KBTBD12: variants seen among roughly 807,000 people sequenced by gnomAD.
KBTBD12 encodes kelch repeat and BTB domain-containing protein 12.
KBTBD12 carries 53 observed loss-of-function variants against 58.7 expected under a neutral mutation model. That is an observed-to-expected ratio of 0.90 (90% CI 0.72 to 1.14). The LOEUF (loss-of-function observed/expected upper bound fraction) is 1.14, where lower values mean the gene tolerates loss of function less well. KBTBD12 is among the 50% of genes most tolerant of loss of function. The pLI, the probability that KBTBD12 is intolerant of heterozygous loss-of-function variation, is 0.00. For missense variants in KBTBD12, 704 were observed against 751.3 expected, an observed-to-expected ratio of 0.94 and a Z score of 0.74; for synonymous variants, 236 against 259.8, an observed-to-expected ratio of 0.91 and a Z score of 0.88.
chr3:127,970,584 A>C (rs1940666408), intron 5 of KBTBD12, among the ~76,000 whole-genome samples: 1 of 152,270 alleles, frequency 6.6e-6, no homozygotes, highest in Non-Finnish European at 1.5e-5. Context: ...CTATTTAAGC[A>C]GTGGAATATC....
At chr3:127,935,509 C>T (rs1939809536) in intron 4 of KBTBD12, among the ~76,000 whole-genome samples, 1 of 151,990 alleles carries the variant, frequency 6.6e-6, no homozygotes, top group Admixed American at 6.6e-5. Flanking sequence ...ACCTGTAATC[C>T]CAGCTACTTG....
intron 5 of KBTBD12, 142 bp from the exon 6 acceptor site, chr3:127,983,955 C>T (rs1940921237): frequency 1.6e-6 from 1 of 639,494 alleles, no homozygotes; most frequent in Non-Finnish European, 2.7e-6. Flanking sequence ...GATAAACTAC[C>T]CAGTCCTGGG....
At position 127,984,227 on chromosome 3, in the gene KBTBD12, A is replaced by G. The variant is rs1940926630; in HGVS notation, c.1821A>G (p.Arg607=). The change falls in exon 6 of 6, where the codon CGA becomes CGG. Residue 607 remains arginine, a synonymous_variant. Transcript: ENST00000405109. ...GCCTAGTAGCCAGGATGAATCCCCG[A>G]GACCTCATCCCCCCGCCTTCAGATT... ...DVCLVARMNP[R]DLIPPPSDLV... is the part of the protein sequence containing the mutation. The G allele has an allele frequency of 6.2e-7, 1 of 1,613,862 alleles. No individual in the cohort carries two copies. Among genetic ancestry groups the G allele is most frequent in the Admixed American group, 1.7e-5 (1 of 60,002 alleles).
chr3:127,935,167 C>T (rs1334326393), intron 4 of KBTBD12, among the ~76,000 whole-genome samples: 1 of 152,012 alleles, frequency 6.6e-6, no homozygotes, highest in Non-Finnish European at 1.5e-5. Context: ...GTATTTTATA[C>T]CCTGATAAGC....
In KBTBD12 at chr3:127,984,279, G is replaced by A; in HGVS notation, c.*1G>A. Reference sequence around the variant, plus strand: ...GGTGGAAGAAGGCAATGAGCACTAAGGTGACCTTGCTGGAGGACCTCCTGC... The same window carrying A: ...GGTGGAAGAAGGCAATGAGCACTAAAGTGACCTTGCTGGAGGACCTCCTGC... On this transcript the variant is annotated 3_prime_UTR_variant, in exon 6 of 6. Coordinates refer to ENST00000405109, the MANE Select transcript of KBTBD12 (RefSeq NM_207335.4). The A allele has an allele frequency of 6.2e-7, 1 of 1,612,176 alleles. No individual in the cohort carries two copies. Among genetic ancestry groups the A allele is most frequent in the Non-Finnish European group, 8.5e-7 (1 of 1,179,158 alleles).
intron 2 of KBTBD12, among the ~76,000 whole-genome samples, chr3:127,927,503 G>A (rs992061320): frequency 6.6e-6 from 1 of 151,800 alleles, no homozygotes; most frequent in African/African-American, 2.4e-5. Context: ...GCTACTCCTG[G>A]AAAATCTATA....
chr3:127,930,202 C>A lies in KBTBD12; in HGVS notation c.1411C>A (p.Gln471Lys), dbSNP rs907672978. 2.4e-5 allele frequency: 38 copies of A among 1,607,878 alleles called. No individual in the cohort carries two copies. Among genetic ancestry groups the A allele is most frequent in the Non-Finnish European group, 3.1e-5 (37 of 1,176,934 alleles). The change falls in exon 4 of 6, where the codon CAA becomes AAA. Residue 471 changes from glutamine to lysine, a missense_variant. Transcript: ENST00000405109. ...KLLQYDPSQD[Q>K]WSVRAPMKYS... ...GTTGCAGTATGACCCCAGCCAAGAT[C>A]AATGGAGTGTGCGGGCACCCATGAA...
chr3:127,969,088 G>A (rs999360819), intron 5 of KBTBD12, among the ~76,000 whole-genome samples: 2 of 152,024 alleles, frequency 1.3e-5, no homozygotes, highest in Non-Finnish European at 2.9e-5. Flanking sequence ...GTTCTAATCA[G>A]TAAAATTATG....
chr3:127,959,931 C>T (rs528885261), intron 4 of KBTBD12, among the ~76,000 whole-genome samples: 6 of 152,206 alleles, frequency 3.9e-5, no homozygotes, highest in Non-Finnish European at 8.8e-5. Flanking sequence ...TTCCAAGGCA[C>T]GTGGGTGCCG....
At chr3:127,948,706 T>C (rs1940141786) in intron 4 of KBTBD12, among the ~76,000 whole-genome samples, 1 of 152,178 alleles carries the variant, frequency 6.6e-6, no homozygotes, top group African/African-American at 2.4e-5. Context: ...TGGGCTAGGC[T>C]CCTGAGCCCA....
intron 4 of KBTBD12, among the ~76,000 whole-genome samples, chr3:127,954,957 C>T (rs575087448): frequency 2.0e-5 from 3 of 152,196 alleles, no homozygotes; most frequent in Non-Finnish European, 2.9e-5. Flanking sequence ...CTTTGCCAGT[C>T]GCTGCCCTTG....
At chr3:127,968,397 A>C (rs1189894139) in intron 5 of KBTBD12, among the ~76,000 whole-genome samples, 1 of 152,236 alleles carries the variant, frequency 6.6e-6, no homozygotes, top group Non-Finnish European at 1.5e-5. Context: ...AGAGGGAACA[A>C]TTCCAAACTT....
chr3:127,931,829 A>G (rs974682180), intron 4 of KBTBD12, among the ~76,000 whole-genome samples: 1 of 151,988 alleles, frequency 6.6e-6, no homozygotes, highest in African/African-American at 2.4e-5. Context: ...AAGAAGGAGA[A>G]TGGAATAAGC....
intron 5 of KBTBD12, among the ~76,000 whole-genome samples, chr3:127,980,108 T>C (rs2107617982): frequency 6.6e-6 from 1 of 152,248 alleles, no homozygotes; most frequent in African/African-American, 2.4e-5. Context: ...TCAGAAGAAA[T>C]GTAAGCCTTA....
At chr3:127,929,029 A>G (rs1241930143) in intron 3 of KBTBD12, among the ~76,000 whole-genome samples, 3 of 152,236 alleles carry the variant, frequency 2.0e-5, no homozygotes, top group Non-Finnish European at 4.4e-5. Context: ...TTTTAAAACT[A>G]TCCATTTACA....
chr3:127,959,863 T>A (rs1940395605), intron 4 of KBTBD12, among the ~76,000 whole-genome samples: 1 of 152,208 alleles, frequency 6.6e-6, no homozygotes, highest in Non-Finnish European at 1.5e-5. Context: ...GTCTAGCTAG[T>A]AAATGGTGAC....
At position 127,963,402 on chromosome 3, in the gene KBTBD12, T is replaced by A; in HGVS notation, c.1690+16T>A. On this transcript the variant is annotated intron_variant, in intron 5 of 5. Coordinates refer to ENST00000405109, the MANE Select transcript of KBTBD12 (RefSeq NM_207335.4). ...CATGGAGCAGGTATGGGTCCAGTTT[T>A]AAACATTTTGTTACCTCCTTTGGTG... 1 of 1,574,942 alleles carries A rather than the reference T, an allele frequency of 6.3e-7. No homozygotes were observed. The highest frequency in any genetic ancestry group is 1.8e-5 in the Admixed American group (1 of 54,490).
At chr3:127,937,153 G>A (rs1457618878) in intron 4 of KBTBD12, among the ~76,000 whole-genome samples, 1 of 144,240 alleles carries the variant, frequency 6.9e-6, no homozygotes, top group South Asian at 2.3e-4. Context: ...AGCAAGAACT[G>A]GTGGAAATAA....
Position 127,939,374 on chromosome 3 carries a change from A to C in KBTBD12, c.1492+9091A>C, listed in dbSNP as rs140978929. ...AGAACCTCAAGTTTCTAGCCAGAGA[A>C]CCGAAAAAGGGAACATTTGGGAACT... On this transcript the variant is annotated intron_variant, in intron 4 of 5. Transcript: ENST00000405109. Among the ~76,000 whole-genome samples, 918 of 152,268 alleles carry C rather than the reference A, an allele frequency of 6.0e-3. 9 individuals carry two copies. Among genetic ancestry groups the C allele is most frequent in the African/African-American group, 0.021 (867 of 41,546 alleles).
Sources: gnomAD v4.1 joint callset for allele counts (sites outside exome capture counted in the v4.1 genomes callset) on GRCh38, gnomAD v4.1.1 for gene constraint, MANE v1.5 for transcripts, NCBI Gene and HGNC (gene_info 2026-07-23, HGNC 2026-07-21) for gene names.